Variants in ZNF667 observed in about 807,000 individuals in gnomAD.
ZNF667 encodes the protein zinc finger protein 667, also known as myocardial ischemic preconditioning upregulated 1 ortholog.
In ZNF667, 13 loss-of-function variants were observed where a neutral mutation model predicts 31.8. The ratio of observed to expected loss-of-function variants is 0.41; its 90% CI spans 0.27 to 0.65. The LOEUF (loss-of-function observed/expected upper bound fraction) is 0.65. Among genes scored for constraint, ZNF667 ranks in the 30% least tolerant of loss-of-function variants. The pLI is 0.32. For missense variants in ZNF667, 642 were observed against 725.6 expected, an observed-to-expected ratio of 0.88 and a Z score of 1.32; for synonymous variants, 228 against 247.1, an observed-to-expected ratio of 0.92 and a Z score of 0.73.
intron 6 of ZNF667, among the ~76,000 whole-genome samples, chr19:56,453,911 T>C (rs764136817): frequency 4.5e-4 from 68 of 152,232 alleles, no homozygotes; most frequent in Non-Finnish European, 7.9e-4. Flanking sequence ...TCTTCTTCTT[T>C]GCAGATGATA....
At chr19:56,455,913 A>C (rs1249835627) in intron 6 of ZNF667, among the ~76,000 whole-genome samples, 1 of 152,170 alleles carries the variant, frequency 6.6e-6, no homozygotes, top group East Asian at 1.9e-4. Flanking sequence ...ATATCCCGTA[A>C]AAATTAAAGA....
intron 3 of ZNF667, among the ~76,000 whole-genome samples, chr19:56,467,217 TG>T (rs2043182222): frequency 6.6e-6 from 1 of 152,108 alleles, no homozygotes; most frequent in African/African-American, 2.4e-5. Flanking sequence ...ATGAGGGCAC[TG>T]TGGGCATTAG....
intron 5 of ZNF667, among the ~76,000 whole-genome samples, chr19:56,458,848 T>C (rs2042987361): frequency 6.6e-6 from 1 of 152,158 alleles, no homozygotes; most frequent in Admixed American, 6.5e-5. Context: ...TACACTGAGT[T>C]GGTAAGCATA....
rs1568834673 is a variant in ZNF667, at chr19:56,442,689, T to A, written c.306A>T (p.Lys102Asn). 1 of 1,610,124 alleles carries A rather than the reference T, an allele frequency of 6.2e-7. No individual in the cohort carries two copies. The highest frequency in any genetic ancestry group is 8.5e-7 in the Non-Finnish European group (1 of 1,179,138). The change falls in exon 7 of 7, where the codon AAA becomes AAT. Residue 102 changes from lysine (K) to asparagine (N), a missense_variant. Coordinates refer to ENST00000504904, the MANE Select transcript of ZNF667 (RefSeq NM_001321356.2). ...TKKLPPNQCN[K>N]SGQSICQKLV... The stretch of plus-strand genomic sequence containing the variant: ...GTTTCTGGCAGATGCTTTGCCCAGA[T>A]TTGTTGCATTGATTTGGAGGTAACT...
At chr19:56,461,361 C>T (rs1173537370) in intron 4 of ZNF667, among the ~76,000 whole-genome samples, 1 of 152,200 alleles carries the variant, frequency 6.6e-6, no homozygotes, top group African/African-American at 2.4e-5. Flanking sequence ...ATCACTTGAC[C>T]TTGGCAGATT....
At chr19:56,470,243 A>T (rs2043262445) in intron 3 of ZNF667, among the ~76,000 whole-genome samples, 1 of 152,340 alleles carries the variant, frequency 6.6e-6, no homozygotes, top group South Asian at 2.1e-4. Flanking sequence ...AGGTGGGGCC[A>T]GTTCTGTGGG....
intron 4 of ZNF667, among the ~76,000 whole-genome samples, chr19:56,461,621 A>T (rs186569951): frequency 9.2e-5 from 14 of 152,338 alleles, no homozygotes; most frequent in African/African-American, 3.4e-4. Context: ...ATGATAATAA[A>T]CACGTGCTGT....
chr19:56,443,833 A>C (rs2147673485), intron 6 of ZNF667, among the ~76,000 whole-genome samples: 1 of 152,342 alleles, frequency 6.6e-6, no homozygotes, highest in East Asian at 1.9e-4. Context: ...GCCAAAGTCC[A>C]AGGTGATATA....
At chr19:56,451,960 C>A (rs1175866365) in intron 6 of ZNF667, among the ~76,000 whole-genome samples, 1 of 141,892 alleles carries the variant, frequency 7.0e-6, no homozygotes, top group African/African-American at 2.6e-5. Context: ...AACTAGAAAT[C>A]AATAATGAGA....
At position 56,440,048 on chromosome 19, in the gene ZNF667, T is replaced by C. The variant is rs2042571766; in HGVS notation, c.*1114A>G. 2 of 152,194 alleles carry C rather than the reference T, an allele frequency of 1.3e-5. No individual in the cohort carries two copies. Among genetic ancestry groups the C allele is most frequent in the South Asian group, 4.1e-4 (2 of 4,832 alleles). The allele number at this position is 152,194 out of a possible 1,614,324, so 9.4% of individuals were successfully genotyped here. ...TCCTAATTGCCTCCCAAATGCCTCA[T>C]TTCCAAGTAACATCACATTGATGGT... On this transcript the variant is annotated 3_prime_UTR_variant, in exon 7 of 7. Transcript: ENST00000504904.
At chr19:56,465,156 CCAA>C (rs570948904) in intron 3 of ZNF667, among the ~76,000 whole-genome samples, 3 of 152,234 alleles carry the variant, frequency 2.0e-5, no homozygotes, top group South Asian at 2.1e-4. Context: ...TACCCTGCTG[CCAA>C]CAACAGCAGA....
rs143812136 is a variant in ZNF667 at position 56,463,621 on chromosome 19, C to T, written c.-59-1192G>A. On this transcript the variant is annotated intron_variant, in intron 3 of 6. Coordinates refer to ENST00000504904, the MANE Select transcript of ZNF667 (RefSeq NM_001321356.2). ...TGGCTCACTGCAACCTCAACCTCCCCGGCTCAAGCGATCCTCCCACCTCAG... is the reference window on the plus strand; with the variant it reads ...TGGCTCACTGCAACCTCAACCTCCCTGGCTCAAGCGATCCTCCCACCTCAG... Among the ~76,000 whole-genome samples, 851 of 152,080 alleles carry T rather than the reference C, an allele frequency of 5.6e-3. 4 individuals are homozygous for T. Among genetic ancestry groups the T allele is most frequent in the African/African-American group, 0.019 (790 of 41,452 alleles).
rs1392740186 is a variant in ZNF667, at chr19:56,442,193, G to C, written c.802C>G (p.Leu268Val). The change falls in exon 7 of 7, where the codon CTT (leucine) becomes GTT (valine). Residue 268 changes from leucine (L) to valine (V), a missense_variant. Physicochemically the swap from Leu to Val is conservative, Grantham distance 32. Transcript: ENST00000504904. ...CGKAFNQMSS[L>V]LLHKKIHNGK... ...TTGTGAATTTTCTTATGAAGTAAAA[G>C]GGATGACATCTGATTGAAGGCTTTT... 4 of 1,613,962 alleles carry C rather than the reference G, an allele frequency of 2.5e-6. No individual in the cohort carries two copies. The highest frequency in any genetic ancestry group is 1.7e-5 in the Admixed American group (1 of 59,994).
chr19:56,448,206 G>T (rs1159539328), intron 6 of ZNF667, among the ~76,000 whole-genome samples: 1 of 152,060 alleles, frequency 6.6e-6, no homozygotes, highest in African/African-American at 2.4e-5. Context: ...GTGGGACTCT[G>T]CATTGGAACT....
chr19:56,464,786 C>T (rs2043124837), intron 3 of ZNF667, among the ~76,000 whole-genome samples: 1 of 152,192 alleles, frequency 6.6e-6, no homozygotes, highest in Non-Finnish European at 1.5e-5. Flanking sequence ...CACCGCTCTA[C>T]TCCCAGGGCT....
chr19:56,442,238 A>G lies in ZNF667; in HGVS notation c.757T>C (p.Cys253Arg). The G allele has an allele frequency of 6.2e-7, 1 of 1,614,222 alleles. No individual in the cohort carries two copies. The highest frequency in any genetic ancestry group is 8.5e-7 in the Non-Finnish European group (1 of 1,180,030). The change falls in exon 7 of 7, where the codon TGC becomes CGC. Residue 253 changes from cysteine to arginine, a missense_variant. Physicochemically the swap from Cys to Arg is radical, Grantham distance 180. Transcript: ENST00000504904. The part of the protein sequence containing the change: ...HQKIHVVGNV[C>R]QCRKCGKAFN... Reference sequence around the variant, plus strand: ...GCTTTTCCGCACTTTCTGCACTGGCAGACATTCCCAACAACATGAATTTTC... The same window carrying G: ...GCTTTTCCGCACTTTCTGCACTGGCGGACATTCCCAACAACATGAATTTTC...
intron 6 of ZNF667, among the ~76,000 whole-genome samples, chr19:56,452,393 A>T (rs895309050): frequency 1.3e-5 from 2 of 152,158 alleles, no homozygotes; most frequent in Non-Finnish European, 2.9e-5. Context: ...CTCAAAACAA[A>T]TGATAATGAA....
chr19:56,451,354 C>T (rs1269888432), intron 6 of ZNF667, among the ~76,000 whole-genome samples: 2 of 151,850 alleles, frequency 1.3e-5, no homozygotes, highest in Non-Finnish European at 2.9e-5. Context: ...AAGAGAGAGA[C>T]AGACCACAAT....
At chr19:56,465,762 C>A (rs1038276570) in intron 3 of ZNF667, among the ~76,000 whole-genome samples, 2 of 152,348 alleles carry the variant, frequency 1.3e-5, no homozygotes, top group Non-Finnish European at 1.5e-5. Context: ...CAGAGAAGAT[C>A]AGCAGGGCAG....
Sources: gnomAD v4.1 joint callset for allele counts (sites outside exome capture counted in the v4.1 genomes callset) on GRCh38, gnomAD v4.1.1 for gene constraint, MANE v1.5 for transcripts, NCBI Gene and HGNC (gene_info 2026-07-23, HGNC 2026-07-21) for gene names.